The following CRKL variants were observed in gnomAD, a reference collection of about 807,000 sequenced individuals.
The protein encoded by CRKL is crk-like protein.
A neutral mutation model predicts 23.0 loss-of-function variants in CRKL; 3 were observed. The observed-to-expected ratio is 0.13, with a 90% CI of 0.06 to 0.34. The LOEUF is 0.34. Among genes scored for constraint, CRKL ranks in the 10% least tolerant of loss-of-function variants. The probability of loss-of-function intolerance (pLI) is 1.00; values close to 1 mark genes in which losing one functional copy is unlikely to be tolerated. For synonymous variants in CRKL, 188 were observed against 160.7 expected, an observed-to-expected ratio of 1.17 and a Z score of -1.28; for missense variants, 256 against 394.5, an observed-to-expected ratio of 0.65 and a Z score of 2.97.
chr22:20,921,279 A>C (rs964925565), intron 1 of CRKL, among the ~76,000 whole-genome samples: 5 of 152,250 alleles, frequency 3.3e-5, no homozygotes, highest in Non-Finnish European at 7.3e-5. Flanking sequence ...GTCCTACTCG[A>C]AATTTAAGGA....
At chr22:20,924,491 TC>T (rs1480045724) in intron 1 of CRKL, among the ~76,000 whole-genome samples, 1 of 152,232 alleles carries the variant, frequency 6.6e-6, no homozygotes, top group African/African-American at 2.4e-5. Context: ...AGAATTCAAC[TC>T]TGTGAATAAA....
chr22:20,947,311 A>C (rs957728490), intron 2 of CRKL, among the ~76,000 whole-genome samples: 26 of 150,686 alleles, frequency 1.7e-4, no homozygotes, highest in Middle Eastern at 3.4e-3. Context: ...ATGTGGCCTC[A>C]AGTGATCCTC....
chr22:20,939,407 AT>A (rs11327549), intron 2 of CRKL, among the ~76,000 whole-genome samples: 114,721 of 149,720 alleles, frequency 0.77, 44,399 homozygotes, highest in East Asian at 0.92. Flanking sequence ...CGCCCGGCTA[AT>A]TTTTTTTTTT....
chr22:20,923,736 C>G (rs1196023888), intron 1 of CRKL, among the ~76,000 whole-genome samples: 1 of 151,914 alleles, frequency 6.6e-6, no homozygotes, highest in East Asian at 1.9e-4. Flanking sequence ...GCTACCACAC[C>G]TGGCTAATTT....
intron 2 of CRKL, among the ~76,000 whole-genome samples, chr22:20,937,997 G>C (rs1921726156): frequency 6.6e-6 from 1 of 152,114 alleles, no homozygotes; most frequent in Admixed American, 6.6e-5. Flanking sequence ...AGCCTCCTGA[G>C]TAGCTGGGGT....
chr22:20,941,588 A>ATTTTTTTTTTTTTTT (rs1198699701), intron 2 of CRKL, among the ~76,000 whole-genome samples: 1 of 33,554 alleles, frequency 3.0e-5, no homozygotes, highest in Non-Finnish European at 5.0e-5. Flanking sequence ...GTATATATAT[A>ATTTTTTTTTTTTTTT]TTTTTTTTTT....
intron 1 of CRKL, among the ~76,000 whole-genome samples, chr22:20,927,842 C>CA (rs796204860): frequency 0.29 from 16,047 of 54,466 alleles, 2,303 homozygotes; most frequent in African/African-American, 0.42. Context: ...GACTCTGTCT[C>CA]AAAAAAAAAA....
intron 1 of CRKL, among the ~76,000 whole-genome samples, chr22:20,918,695 G>T (rs1284993940): frequency 1.3e-5 from 2 of 151,118 alleles, no homozygotes; most frequent in Non-Finnish European, 2.9e-5. Context: ...GGGTTCAAGC[G>T]ATTCTCCTGC....
chr22:20,919,250 G>C (rs1448592479), intron 1 of CRKL, among the ~76,000 whole-genome samples: 1 of 152,138 alleles, frequency 6.6e-6, no homozygotes, highest in Non-Finnish European at 1.5e-5. Context: ...ATTGGCTTCA[G>C]CGAGGATATT....
intron 2 of CRKL, among the ~76,000 whole-genome samples, chr22:20,936,136 G>A (rs946703315): frequency 3.3e-5 from 5 of 152,044 alleles, no homozygotes; most frequent in Non-Finnish European, 5.9e-5. Context: ...TTTAAGCCTG[G>A]GCAATAGGGT....
intron 1 of CRKL, among the ~76,000 whole-genome samples, chr22:20,924,118 G>T (rs1241651067): frequency 6.6e-6 from 1 of 152,208 alleles, no homozygotes; most frequent in East Asian, 1.9e-4. Context: ...AGCATGGGAG[G>T]TCGAGGCTAC....
intron 1 of CRKL, among the ~76,000 whole-genome samples, chr22:20,919,799 A>G (rs1035028604): frequency 2.6e-5 from 4 of 152,174 alleles, no homozygotes; most frequent in African/African-American, 7.2e-5. Flanking sequence ...AAAAGCTATT[A>G]TAATTGAGGA....
intron 2 of CRKL, among the ~76,000 whole-genome samples, chr22:20,939,263 CAG>C (rs1490557827): frequency 2.0e-4 from 20 of 101,476 alleles, no homozygotes; most frequent in African/African-American, 5.1e-4. Context: ...TTTTTTGAGA[CAG>C]AGTCTTGCTC....
chr22:20,941,588 A>ATATTT (rs1247116681), intron 2 of CRKL, among the ~76,000 whole-genome samples: 4 of 33,540 alleles, frequency 1.2e-4, no homozygotes, highest in African/African-American at 3.6e-4. Flanking sequence ...GTATATATAT[A>ATATTT]TTTTTTTTTT....
intron 1 of CRKL, among the ~76,000 whole-genome samples, chr22:20,919,834 A>G (rs1920971458): frequency 6.6e-6 from 1 of 152,130 alleles, no homozygotes; most frequent in Non-Finnish European, 1.5e-5. Context: ...ATAGTGGGAT[A>G]GAGATAGAAA....
chr22:20,944,685 G>A (rs1317668424), intron 2 of CRKL, among the ~76,000 whole-genome samples: 2 of 152,046 alleles, frequency 1.3e-5, no homozygotes, highest in African/African-American at 2.4e-5. Context: ...TTACAGGCAT[G>A]AGCCACCGCA....
chr22:20,943,692 G>C (rs2147913486), intron 2 of CRKL, among the ~76,000 whole-genome samples: 2 of 152,292 alleles, frequency 1.3e-5, no homozygotes, highest in Non-Finnish European at 2.9e-5. Context: ...TGGCACCCTA[G>C]TCAAAAATCA....
In CRKL at chr22:20,945,240, G is replaced by A. The variant is rs1372202732; in HGVS notation, c.778-4471G>A. On this transcript the variant is annotated intron_variant, in intron 2 of 2. Coordinates refer to ENST00000354336, the MANE Select transcript of CRKL (RefSeq NM_005207.4). Reference sequence around the variant, plus strand: ...GATCTCCTGACCTCCTGATCTGCCTGCCTCGGCCTCCCAAAGTGCTGGGAT... The same window carrying A: ...GATCTCCTGACCTCCTGATCTGCCTACCTCGGCCTCCCAAAGTGCTGGGAT... 4.6e-5 allele frequency among the ~76,000 whole-genome samples: 7 copies of A among 151,686 alleles called. 1 individual carries two copies.
rs189274432 is a variant in CRKL at position 20,951,906 on chromosome 22, C to T, written c.*2061C>T. 4.1e-4 allele frequency: 91 copies of T among 222,566 alleles called. No homozygotes were observed. Among genetic ancestry groups the T allele is most frequent in the African/African-American group, 1.3e-3 (60 of 44,832 alleles). The allele number at this position is 222,566 out of a possible 1,614,324, so 13.8% of individuals were successfully genotyped here. ...CTTCCTTGCCAGTGAGAACGGTGAC[C>T]GCCTCCTGCTCTGCACGGTCTGCGG... On this transcript the variant is annotated 3_prime_UTR_variant, in exon 3 of 3. Coordinates refer to ENST00000354336, the MANE Select transcript of CRKL (RefSeq NM_005207.4).
Sources: allele counts gnomAD v4.1 joint callset (sites outside exome capture counted in the v4.1 genomes callset), GRCh38; gene constraint gnomAD v4.1.1; transcripts MANE v1.5; gene names NCBI Gene and HGNC (gene_info 2026-07-23, HGNC 2026-07-21).